ZBTB16: variants seen among roughly 807,000 people sequenced by gnomAD.
The protein encoded by ZBTB16 is zinc finger and BTB domain-containing protein 16.
ZBTB16 carries 8 observed loss-of-function variants against 56.8 expected under a neutral mutation model. The observed-to-expected ratio is 0.14, with a 90% CI of 0.08 to 0.25. The LOEUF is 0.25. Ranked by LOEUF, ZBTB16 falls within the 10% of genes least tolerant of loss-of-function variation. The pLI, the probability that ZBTB16 is intolerant of heterozygous loss-of-function variation, is 1.00. For missense variants in ZBTB16, 625 were observed against 903.0 expected (o/e 0.69, Z 3.95); for synonymous variants, 363 against 368.5 (o/e 0.98, Z 0.17).
At chr11:114,160,841 G>T (rs1196498489) in intron 3 of ZBTB16, among the ~76,000 whole-genome samples, 4 of 152,194 alleles carry the variant, frequency 2.6e-5, no homozygotes, top group Admixed American at 1.3e-4. Flanking sequence ...CTCAGAGGTG[G>T]TTTTGGGGGT....
At chr11:114,108,428 A>C (rs75183423) in intron 2 of ZBTB16, among the ~76,000 whole-genome samples, 2,944 of 152,272 alleles carry the variant, frequency 0.019, 86 homozygotes, top group Admixed American at 0.079. Flanking sequence ...TAATTTTTAG[A>C]GTGAAATTGA....
intron 2 of ZBTB16, among the ~76,000 whole-genome samples, chr11:114,111,256 C>T (rs1284288833): frequency 6.6e-6 from 1 of 151,606 alleles, no homozygotes; most frequent in African/African-American, 2.4e-5. Context: ...TTGAGTGAAC[C>T]TAATTACACT....
rs141050725 is a variant in ZBTB16 at position 114,219,002 on chromosome 11, G to A, written c.1454-23165G>A. ...CATCAATTCTGTCTTGGCACAAGGCGTAAAGTGAGAGCCGTGTGTGTGTGT... is the reference window on the plus strand; with the variant it reads ...CATCAATTCTGTCTTGGCACAAGGCATAAAGTGAGAGCCGTGTGTGTGTGT... On this transcript the variant is annotated intron_variant, in intron 4 of 6. Coordinates refer to ENST00000335953, the MANE Select transcript of ZBTB16 (RefSeq NM_006006.6). Among the ~76,000 whole-genome samples the A allele has an allele frequency of 2.0e-4, 31 of 152,302 alleles. No homozygotes were observed. The East Asian group carries it at 5.8e-3, about 28-fold the overall frequency.
At chr11:114,125,721 G>T (rs1427986726) in intron 2 of ZBTB16, among the ~76,000 whole-genome samples, 1 of 152,170 alleles carries the variant, frequency 6.6e-6, no homozygotes, top group African/African-American at 2.4e-5. Flanking sequence ...GGCAGAAGCG[G>T]TGCTGGCTGG....
At chr11:114,136,431 A>G (rs572401138) in intron 2 of ZBTB16, among the ~76,000 whole-genome samples, 2 of 152,306 alleles carry the variant, frequency 1.3e-5, no homozygotes, top group South Asian at 4.1e-4. Context: ...ACAGGCTGTC[A>G]GTAGGAAAGA....
chr11:114,249,561 C>G (rs1406952048), intron 6 of ZBTB16, among the ~76,000 whole-genome samples: 2 of 141,234 alleles, frequency 1.4e-5, no homozygotes, highest in South Asian at 2.3e-4. Context: ...GTCAGGAGAT[C>G]GAGACCATCC....
At chr11:114,184,144 C>CA (rs1157951168) in intron 3 of ZBTB16, among the ~76,000 whole-genome samples, 1 of 152,218 alleles carries the variant, frequency 6.6e-6, no homozygotes, top group African/African-American at 2.4e-5. Context: ...CCAGTCGACT[C>CA]ACATTTATTG....
chr11:114,198,080 G>A (rs1288295135), intron 4 of ZBTB16, among the ~76,000 whole-genome samples: 1 of 151,888 alleles, frequency 6.6e-6, no homozygotes. Context: ...GGAGGGTATC[G>A]GGGAGGACAG....
intron 4 of ZBTB16, 115 bp downstream of exon 4, chr11:114,187,153 G>T (rs1428935437): frequency 3.9e-6 from 4 of 1,020,920 alleles, no homozygotes; most frequent in Non-Finnish European, 6.0e-6. Context: ...GTAATTTCCT[G>T]GGCGAGCTGT....
At chr11:114,122,275 T>A (rs994289713) in intron 2 of ZBTB16, among the ~76,000 whole-genome samples, 1 of 152,210 alleles carries the variant, frequency 6.6e-6, no homozygotes, top group Non-Finnish European at 1.5e-5. Flanking sequence ...TGAGTTGGGC[T>A]GTGTTTGGTT....
At chr11:114,115,490 T>C (rs1941143582) in intron 2 of ZBTB16, among the ~76,000 whole-genome samples, 1 of 151,998 alleles carries the variant, frequency 6.6e-6, no homozygotes, top group Non-Finnish European at 1.5e-5. Context: ...CCCACATTCT[T>C]CCAAGGAGAG....
At chr11:114,228,090 G>A (rs973585697) in intron 4 of ZBTB16, among the ~76,000 whole-genome samples, 4 of 152,092 alleles carry the variant, frequency 2.6e-5, no homozygotes, top group Admixed American at 2.0e-4. Flanking sequence ...GCAGTCTGGC[G>A]AAACCCCTGA....
At position 114,227,547 on chromosome 11, in the gene ZBTB16, G is replaced by A. The variant is rs139951177; in HGVS notation, c.1454-14620G>A. On this transcript the variant is annotated intron_variant, in intron 4 of 6. Coordinates refer to ENST00000335953, the MANE Select transcript of ZBTB16 (RefSeq NM_006006.6). ...CCAAGAGATAGAGTGCTGTATAAGA[G>A]AAGTGAGGTCGCAGCTCTCATGCAG... Among the ~76,000 whole-genome samples the A allele has an allele frequency of 1.8e-4, 28 of 152,334 alleles. No individual in the cohort carries two copies. In the East Asian group the frequency reaches 5.4e-3, roughly 29 times the overall value.
At chr11:114,121,252 C>A (rs919196486) in intron 2 of ZBTB16, among the ~76,000 whole-genome samples, 1 of 151,102 alleles carries the variant, frequency 6.6e-6, no homozygotes, top group African/African-American at 2.4e-5. Context: ...TAATTCCAAG[C>A]TGCTGGTGTG....
At position 114,156,446 on chromosome 11, in the gene ZBTB16, C is replaced by T. The variant is rs375580497; in HGVS notation, c.1366+12C>T. The T allele has an allele frequency of 8.1e-6, 13 of 1,613,612 alleles. No homozygotes were observed. Among genetic ancestry groups the T allele is most frequent in the Admixed American group, 5.0e-5 (3 of 60,028 alleles). On this transcript the variant is annotated intron_variant, in intron 3 of 6. Transcript: ENST00000335953. ...ACTGGCTCATTCAGGTAGGCAAGTT[C>T]GCCTTAGTGGCCCGTTCAGATACAG...
intron 3 of ZBTB16, among the ~76,000 whole-genome samples, chr11:114,181,118 C>A (rs1200115155): frequency 6.6e-6 from 1 of 152,204 alleles, no homozygotes; most frequent in Non-Finnish European, 1.5e-5. Context: ...ACTCACTTTA[C>A]ACAAGATAAA....
intron 2 of ZBTB16, among the ~76,000 whole-genome samples, chr11:114,126,281 A>G (rs923456449): frequency 1.3e-5 from 2 of 152,176 alleles, no homozygotes; most frequent in Admixed American, 1.3e-4. Flanking sequence ...GTATTGAAAT[A>G]TGTGATCTAG....
At chr11:114,075,575 G>A (rs909019602) in intron 2 of ZBTB16, among the ~76,000 whole-genome samples, 2 of 151,054 alleles carry the variant, frequency 1.3e-5, no homozygotes, top group Non-Finnish European at 2.9e-5. Context: ...TCGTGCCTCA[G>A]CCTCCCAAGT....
chr11:114,177,824 G>C (rs1943153336), intron 3 of ZBTB16, among the ~76,000 whole-genome samples: 1 of 152,182 alleles, frequency 6.6e-6, no homozygotes, highest in African/African-American at 2.4e-5. Flanking sequence ...TTTGGAGACA[G>C]AGTATCACTC....
Sources: gnomAD v4.1 joint callset for allele counts (sites outside exome capture counted in the v4.1 genomes callset) on GRCh38, gnomAD v4.1.1 for gene constraint, MANE v1.5 for transcripts, NCBI Gene and HGNC (gene_info 2026-07-23, HGNC 2026-07-21) for gene names.